ATF7: variants seen among roughly 807,000 people sequenced by gnomAD.
ATF7 encodes the protein cyclic AMP-dependent transcription factor ATF-7.
In ATF7, 10 loss-of-function variants were observed where a neutral mutation model predicts 50.4. The ratio of observed to expected loss-of-function variants is 0.20; its 90% CI spans 0.12 to 0.34. The LOEUF (loss-of-function observed/expected upper bound fraction) is 0.34, where lower values mean the gene tolerates loss of function less well. Among genes scored for constraint, ATF7 ranks in the 10% least tolerant of loss-of-function variants. ATF7 has a pLI of 1.00. For missense variants in ATF7, 465 were observed against 613.9 expected (o/e 0.76, Z 2.56); for synonymous variants, 201 against 226.4 (o/e 0.89, Z 1.01).
chr12:53,550,270 G>C (rs908448804), intron 3 of ATF7, among the ~76,000 whole-genome samples: 11 of 149,660 alleles, frequency 7.3e-5, no homozygotes, highest in African/African-American at 2.7e-4. Flanking sequence ...GTTGTGGTGA[G>C]CCGAGATTAC....
rs543048867 is a variant in ATF7 at position 53,555,490 on chromosome 12, ATTTTTTTTT to A, written c.49-2862_49-2854del. ...AGTTTATAAAGAAGAAAATAATATA[ATTTTTTTTT>A]TTTTTTTTTTTTTTTTTTTGTGAGA... On this transcript the variant is annotated intron_variant, in intron 2 of 11. Coordinates refer to ENST00000420353, the MANE Select transcript of ATF7 (RefSeq NM_006856.3). 2.9e-3 allele frequency among the ~76,000 whole-genome samples: 292 copies of A among 100,750 alleles called. 1 individual carries two copies. The highest frequency in any genetic ancestry group is 0.012 in the African/African-American group (278 of 22,910). 66.1% of individuals were successfully genotyped at this position (100,750 alleles called of 152,430 possible).
intron 9 of ATF7, among the ~76,000 whole-genome samples, chr12:53,530,538 G>A (rs1938802220): frequency 6.6e-6 from 1 of 151,812 alleles, no homozygotes; most frequent in Admixed American, 6.6e-5. Flanking sequence ...AATTGGTAAT[G>A]AGGTGTTTTT....
At chr12:53,567,361 A>AG (rs1941495705) in intron 2 of ATF7, among the ~76,000 whole-genome samples, 1 of 152,188 alleles carries the variant, frequency 6.6e-6, no homozygotes, top group Non-Finnish European at 1.5e-5. Flanking sequence ...ATGGTAAGAG[A>AG]GTGGCACCTT....
At chr12:53,576,351 T>A (rs909712512) in intron 2 of ATF7, among the ~76,000 whole-genome samples, 1 of 152,174 alleles carries the variant, frequency 6.6e-6, no homozygotes, top group African/African-American at 2.4e-5. Context: ...CCTTCCTTAG[T>A]GCTATGGTTT....
chr12:53,600,623 C>T, intron 2 of ATF7: 1 of 190,230 alleles, frequency 5.3e-6, no homozygotes, highest in Non-Finnish European at 1.1e-5. Flanking sequence ...TGAGCCACCG[C>T]GCCCGGCATG....
At chr12:53,613,399 GGTTT>G (rs1943981224) in intron 1 of ATF7, among the ~76,000 whole-genome samples, 1 of 151,928 alleles carries the variant, frequency 6.6e-6, no homozygotes, top group Non-Finnish European at 1.5e-5. Context: ...ACATGTAATG[GGTTT>G]GTTATTTTAA....
At chr12:53,532,650 A>G (rs1253690765) in intron 7 of ATF7, 27 bp from the exon 8 acceptor site, 1 of 1,483,100 alleles carries the variant, frequency 6.7e-7, no homozygotes. Context: ...AAAAAAAAAA[A>G]AAGAGAAGGG....
chr12:53,607,374 G>C (rs1237055178), intron 1 of ATF7, among the ~76,000 whole-genome samples: 4 of 152,006 alleles, frequency 2.6e-5, no homozygotes, highest in African/African-American at 9.7e-5. Context: ...AAGTCAATTT[G>C]GCAATATTTA....
intron 2 of ATF7, among the ~76,000 whole-genome samples, chr12:53,565,804 T>C (rs1178207031): frequency 1.3e-5 from 2 of 152,160 alleles, no homozygotes; most frequent in East Asian, 3.8e-4. Flanking sequence ...CCTTCTCTTT[T>C]TAATAGTACT....
chr12:53,593,404 AT>A lies in ATF7; in HGVS notation c.48+7548del, dbSNP rs377313394. Among the ~76,000 whole-genome samples, 84 of 152,286 alleles carry A rather than the reference AT, an allele frequency of 5.5e-4. 1 individual carries two copies. The South Asian group carries it at 0.017, about 30-fold the overall frequency. On this transcript the variant is annotated intron_variant, in intron 2 of 11. Transcript: ENST00000420353. The stretch of plus-strand genomic sequence containing the variant: ...ACAAGACCCTATCTCTAAAAAAAAA[AT>A]AAAAGTGGCATTGTGTTTAAGTCAC...
downstream of ATF7, among the ~76,000 whole-genome samples, chr12:53,511,094 C>A (rs1489333691): frequency 6.6e-6 from 1 of 152,176 alleles, no homozygotes; most frequent in East Asian, 1.9e-4. Context: ...GAGACACCTG[C>A]TATCTCTTTT....
intron 1 of ATF7, among the ~76,000 whole-genome samples, chr12:53,613,681 C>T (rs932528462): frequency 6.6e-6 from 1 of 151,726 alleles, no homozygotes; most frequent in Non-Finnish European, 1.5e-5. Context: ...CCAACAAGCT[C>T]GGGTAATTTT....
At chr12:53,555,239 C>T (rs1426361708) in intron 2 of ATF7, among the ~76,000 whole-genome samples, 4 of 151,174 alleles carry the variant, frequency 2.6e-5, no homozygotes, top group Admixed American at 2.6e-4. Context: ...GCAGGAGAAT[C>T]GCTTGAACCA....
chr12:53,520,418 A>C (rs982156285), intron 11 of ATF7, among the ~76,000 whole-genome samples: 4 of 152,058 alleles, frequency 2.6e-5, no homozygotes, highest in Non-Finnish European at 5.9e-5. Flanking sequence ...CTCTAAAATA[A>C]CAAAAAAAAA....
At chr12:53,528,060 C>A (rs1592789739) in intron 9 of ATF7, among the ~76,000 whole-genome samples, 2 of 151,858 alleles carry the variant, frequency 1.3e-5, no homozygotes, top group Middle Eastern at 6.8e-3. Flanking sequence ...CCAGGATGGT[C>A]TTGATCTCCT....
At chr12:53,590,645 G>C (rs1592943457) in intron 2 of ATF7, among the ~76,000 whole-genome samples, 1 of 152,164 alleles carries the variant, frequency 6.6e-6, no homozygotes, top group Non-Finnish European at 1.5e-5. Context: ...AAGAAGAAAG[G>C]CTGGGCCACC....
chr12:53,563,930 A>T (rs1235220908), intron 2 of ATF7, among the ~76,000 whole-genome samples: 6 of 152,152 alleles, frequency 3.9e-5, no homozygotes, highest in African/African-American at 1.4e-4. Context: ...TTGATACCAG[A>T]TTCCCTTTAT....
At chr12:53,603,411 G>T (rs1450721179) in intron 1 of ATF7, among the ~76,000 whole-genome samples, 3 of 151,974 alleles carry the variant, frequency 2.0e-5, no homozygotes, top group South Asian at 2.1e-4. Context: ...AAAAAAATTT[G>T]GGGGGAAAAA....
At chr12:53,536,903 C>T (rs576152572) in intron 5 of ATF7, among the ~76,000 whole-genome samples, 1 of 152,050 alleles carries the variant, frequency 6.6e-6, no homozygotes, top group East Asian at 2.0e-4. Context: ...ACAACAACAA[C>T]AAAAGAATAC....
Sources: allele counts gnomAD v4.1 joint callset (sites outside exome capture counted in the v4.1 genomes callset), GRCh38; gene constraint gnomAD v4.1.1; transcripts MANE v1.5; gene names NCBI Gene and HGNC (gene_info 2026-07-23, HGNC 2026-07-21).